Variants in EPB41L5 observed in about 807,000 individuals in gnomAD.
The protein encoded by EPB41L5 is erythrocyte membrane protein band 4.1 like 5, also known as band 4.1-like protein 5.
In EPB41L5, 55 loss-of-function variants were observed where a neutral mutation model predicts 106.6. That is an observed-to-expected ratio of 0.52 (90% CI 0.42 to 0.65). EPB41L5 has a LOEUF of 0.65. Among genes scored for constraint, EPB41L5 ranks in the 30% least tolerant of loss-of-function variants. EPB41L5 has a pLI of 0.00. For synonymous variants in EPB41L5, 297 were observed against 306.7 expected (o/e 0.97, Z 0.33); for missense variants, 871 against 882.1 (o/e 0.99, Z 0.16).
intron 2 of EPB41L5, among the ~76,000 whole-genome samples, chr2:120,023,115 C>G (rs541299907): frequency 1.3e-5 from 2 of 152,222 alleles, no homozygotes; most frequent in African/African-American, 4.8e-5. Flanking sequence ...CAAAAACTTT[C>G]TCCCATTCTG....
chr2:120,019,226 T>C lies in EPB41L5; in HGVS notation c.142T>C (p.Ser48Pro), dbSNP rs1677757810. The C allele has an allele frequency of 6.2e-7, 1 of 1,613,948 alleles. No homozygotes were observed. The highest frequency in any genetic ancestry group is 8.5e-7 in the Non-Finnish European group (1 of 1,179,980). ...TAAGTCCATCATCACGTGTCGGGTG[T>C]CCCTTCTGGATGGTACTGATGTTAG... Reference protein sequence around the residue: ...DSKSIITCRVSLLDGTDVSVD... With the variant: ...DSKSIITCRVPLLDGTDVSVD... Residue 48 changes from serine (S) to proline (P), a missense_variant, in exon 2 of 25, where the codon TCC becomes CCC. By Grantham distance (74) the Ser-to-Pro change is moderately conservative. Transcript: ENST00000263713.
intron 3 of EPB41L5, among the ~76,000 whole-genome samples, chr2:120,051,303 C>T (rs530341054): frequency 6.6e-6 from 1 of 152,144 alleles, no homozygotes; most frequent in Admixed American, 6.5e-5. Context: ...TGGGCTCCAC[C>T]CAGTTCAAGC....
At chr2:120,040,283 A>C (rs1679322662) in intron 2 of EPB41L5, among the ~76,000 whole-genome samples, 1 of 152,204 alleles carries the variant, frequency 6.6e-6, no homozygotes, top group South Asian at 2.1e-4. Context: ...ACTTGTACAC[A>C]GTACAGTGAA....
chr2:120,045,816 T>TC (rs1328850757), intron 3 of EPB41L5, among the ~76,000 whole-genome samples: 9 of 140,242 alleles, frequency 6.4e-5, no homozygotes, highest in African/African-American at 1.8e-4. Flanking sequence ...CCCTCCCCCG[T>TC]CCCCCCCTCA....
Position 120,143,025 on chromosome 2 carries a change from A to G in EPB41L5, c.1622A>G (p.Glu541Gly). Residue 541 changes from glutamate to glycine, a missense_variant, in exon 19 of 25, where the codon GAG becomes GGG. Glu to Gly is a moderately conservative substitution (Grantham distance 98). Coordinates refer to ENST00000263713, the MANE Select transcript of EPB41L5 (RefSeq NM_020909.4). ...NSQEEVVKLT[E>G]KCLNNVIESP... The stretch of plus-strand genomic sequence containing the variant: ...TAGGAGGAAGTGGTGAAGTTGACTG[A>G]GAAATGCCTTAATAATGTCATTGAG... The G allele has an allele frequency of 1.2e-6, 2 of 1,612,934 alleles. No individual in the cohort carries two copies. Among genetic ancestry groups the G allele is most frequent in the Non-Finnish European group, 1.7e-6 (2 of 1,179,126 alleles).
chr2:120,049,398 T>A (rs533519406), intron 3 of EPB41L5, among the ~76,000 whole-genome samples: 31 of 152,364 alleles, frequency 2.0e-4, no homozygotes, highest in Non-Finnish European at 4.1e-4. Context: ...GTTGAATTGA[T>A]CCCTTTACCA....
rs188525342 is a variant in EPB41L5, at chr2:120,062,452, T to C, written c.286-10726T>C. Among the ~76,000 whole-genome samples the C allele has an allele frequency of 6.6e-5, 10 of 152,312 alleles. No homozygotes were observed. In the East Asian group the frequency reaches 1.9e-3, roughly 29 times the overall value. On this transcript the variant is annotated intron_variant, in intron 3 of 24. Coordinates refer to ENST00000263713, the MANE Select transcript of EPB41L5 (RefSeq NM_020909.4). ...AATATTCTGAAGTTGATCATCTTTGTAAATCCTTGTCAGTATTCTGGATTT... is the reference window on the plus strand; with the variant it reads ...AATATTCTGAAGTTGATCATCTTTGCAAATCCTTGTCAGTATTCTGGATTT...
intron 2 of EPB41L5, among the ~76,000 whole-genome samples, chr2:120,040,070 T>TA (rs1679304409): frequency 1.4e-5 from 2 of 147,076 alleles, no homozygotes; most frequent in African/African-American, 2.5e-5. Flanking sequence ...GTCTGTGCTT[T>TA]TTATATATAT....
chr2:120,085,664 TC>T (rs1683006613), intron 10 of EPB41L5, among the ~76,000 whole-genome samples: 1 of 152,280 alleles, frequency 6.6e-6, no homozygotes, highest in South Asian at 2.1e-4. Flanking sequence ...ATCTGGGTGT[TC>T]TTGCTAGGGA....
rs139468139 is a variant in EPB41L5 at position 120,114,772 on chromosome 2, G to C, written c.1338-12916G>C. Among the ~76,000 whole-genome samples, 1,324 of 152,248 alleles carry C rather than the reference G, an allele frequency of 8.7e-3. 18 individuals carry two copies. The highest frequency in any genetic ancestry group is 0.03 in the African/African-American group (1,258 of 41,552). ...CTTGAGATGAATGTATATTCTGTTA[G>C]TGGAGCATTCTGTGTATGCCTGTTC... On this transcript the variant is annotated intron_variant, in intron 16 of 24. Transcript: ENST00000263713.
At chr2:120,121,786 C>T (rs2105449594) in intron 16 of EPB41L5, among the ~76,000 whole-genome samples, 1 of 152,330 alleles carries the variant, frequency 6.6e-6, no homozygotes, top group East Asian at 1.9e-4. Context: ...CTAATTTACA[C>T]TCCTACCAAC....
chr2:120,073,613 T>C (rs563698277), intron 4 of EPB41L5, among the ~76,000 whole-genome samples: 3 of 152,358 alleles, frequency 2.0e-5, no homozygotes, highest in African/African-American at 7.2e-5. Flanking sequence ...AAAATGTTAG[T>C]GTCATTCAGA....
intron 3 of EPB41L5, among the ~76,000 whole-genome samples, chr2:120,066,851 A>G (rs745477250): frequency 2.0e-5 from 3 of 152,222 alleles, no homozygotes; most frequent in Non-Finnish European, 4.4e-5. Context: ...ATCAGGCTGT[A>G]GTAGGTATTT....
chr2:120,046,465 G>A (rs1209057127), intron 3 of EPB41L5, among the ~76,000 whole-genome samples: 2 of 151,220 alleles, frequency 1.3e-5, no homozygotes, highest in African/African-American at 2.4e-5. Flanking sequence ...CTTTTGAGAA[G>A]TGTCTGTTCA....
intron 3 of EPB41L5, among the ~76,000 whole-genome samples, chr2:120,047,291 G>T (rs113627382): frequency 6.6e-6 from 1 of 152,174 alleles, no homozygotes; most frequent in Non-Finnish European, 1.5e-5. Flanking sequence ...TCCTATCCAT[G>T]AGCATGGAAT....
intron 20 of EPB41L5, among the ~76,000 whole-genome samples, chr2:120,148,958 C>CA (rs1558906860): frequency 4.7e-5 from 4 of 85,256 alleles, no homozygotes; most frequent in East Asian, 4.1e-4. Flanking sequence ...CCAAAATGGC[C>CA]GTAACATTTT....
intron 10 of EPB41L5, among the ~76,000 whole-genome samples, chr2:120,084,380 A>G (rs1448072174): frequency 6.6e-6 from 1 of 152,108 alleles, no homozygotes; most frequent in Non-Finnish European, 1.5e-5. Context: ...TCCTTCACTT[A>G]TGAAGCTTAG....
intron 18 of EPB41L5, among the ~76,000 whole-genome samples, chr2:120,132,395 AC>A (rs2105472379): frequency 6.6e-6 from 1 of 152,254 alleles, no homozygotes; most frequent in Non-Finnish European, 1.5e-5. Context: ...TGATAACATG[AC>A]CAAGATGAAT....
intron 4 of EPB41L5, among the ~76,000 whole-genome samples, chr2:120,073,681 G>T (rs1169931568): frequency 6.6e-6 from 1 of 152,032 alleles, no homozygotes; most frequent in African/African-American, 2.4e-5. Context: ...ACTTATTAGG[G>T]CACCTCAACT....
Sources: gnomAD v4.1 joint callset for allele counts (sites outside exome capture counted in the v4.1 genomes callset) on GRCh38, gnomAD v4.1.1 for gene constraint, MANE v1.5 for transcripts, NCBI Gene and HGNC (gene_info 2026-07-23, HGNC 2026-07-21) for gene names.